ARHGEF3: variants seen among roughly 807,000 people sequenced by gnomAD.
ARHGEF3 encodes the protein Rho guanine nucleotide exchange factor 3, also known as 59.8 kDA protein.
A neutral mutation model predicts 63.2 loss-of-function variants in ARHGEF3; 28 were observed. The ratio of observed to expected loss-of-function variants is 0.44; its 90% CI spans 0.33 to 0.61. ARHGEF3 has a LOEUF of 0.61. ARHGEF3 is among the 20% of genes least tolerant of loss of function. The pLI is 0.03. For missense variants in ARHGEF3, 533 were observed against 659.3 expected, an observed-to-expected ratio of 0.81 and a Z score of 2.10; for synonymous variants, 266 against 254.2, an observed-to-expected ratio of 1.05 and a Z score of -0.44.
At chr3:56,818,927 CT>C (rs1023635478) in intron 4 of ARHGEF3, among the ~76,000 whole-genome samples, 2 of 152,164 alleles carry the variant, frequency 1.3e-5, no homozygotes, top group African/African-American at 4.8e-5. Flanking sequence ...ACGAAAAAAA[CT>C]ATTTCATTCA....
chr3:56,778,869 A>T (rs995461066), intron 1 of ARHGEF3, among the ~76,000 whole-genome samples: 8 of 152,176 alleles, frequency 5.3e-5, no homozygotes, highest in African/African-American at 1.9e-4. Context: ...TTTTTCAATC[A>T]TTATAACATG....
At chr3:56,871,005 T>C (rs1035293520) in intron 4 of ARHGEF3, among the ~76,000 whole-genome samples, 1 of 152,078 alleles carries the variant, frequency 6.6e-6, no homozygotes, top group Non-Finnish European at 1.5e-5. Flanking sequence ...CATCACAAAC[T>C]AATTTTTACA....
intron 1 of ARHGEF3, among the ~76,000 whole-genome samples, chr3:57,049,705 G>A (rs1704595213): frequency 6.6e-6 from 1 of 152,222 alleles, no homozygotes; most frequent in South Asian, 2.1e-4. Flanking sequence ...CTGACAAGAG[G>A]AGAAATCAGA....
At chr3:57,002,822 G>A (rs1446397463) in intron 2 of ARHGEF3, among the ~76,000 whole-genome samples, 5 of 145,262 alleles carry the variant, frequency 3.4e-5, no homozygotes, top group Non-Finnish European at 7.5e-5. Context: ...TCACCAGGCT[G>A]GAGTGCAGTG....
chr3:56,739,978 C>T (rs1448675976), intron 7 of ARHGEF3, among the ~76,000 whole-genome samples: 2 of 151,592 alleles, frequency 1.3e-5, no homozygotes, highest in African/African-American at 4.9e-5. Context: ...TGGCTCACTG[C>T]AACCTCCGCC....
intron 1 of ARHGEF3, among the ~76,000 whole-genome samples, chr3:56,792,454 T>C (rs1197667627): frequency 6.6e-6 from 1 of 152,220 alleles, no homozygotes; most frequent in South Asian, 2.1e-4. Context: ...ACAGAGAGGT[T>C]GTTGGCTTTT....
At chr3:57,040,991 C>T (rs1704165510) in intron 1 of ARHGEF3, among the ~76,000 whole-genome samples, 1 of 152,164 alleles carries the variant, frequency 6.6e-6, no homozygotes, top group African/African-American at 2.4e-5. Context: ...ACTCCCCACT[C>T]CCCACCAACT....
chr3:56,883,977 A>C (rs2040846306), intron 3 of ARHGEF3, among the ~76,000 whole-genome samples: 1 of 152,128 alleles, frequency 6.6e-6, no homozygotes, highest in South Asian at 2.1e-4. Flanking sequence ...TTTGTTGAGC[A>C]TTTACTATGT....
At chr3:56,993,358 TG>T (rs1403124766) in intron 2 of ARHGEF3, among the ~76,000 whole-genome samples, 2 of 151,920 alleles carry the variant, frequency 1.3e-5, no homozygotes, top group Admixed American at 1.3e-4. Context: ...TATAACTTTG[TG>T]GGGGTTTTTT....
At chr3:56,828,388 G>C in intron 4 of ARHGEF3, among the ~76,000 whole-genome samples, 1 of 152,068 alleles carries the variant, frequency 6.6e-6, no homozygotes, top group East Asian at 1.9e-4. Context: ...ACAAAAATTA[G>C]CCAGGCGCAG....
At chr3:56,877,503 C>T (rs2040625877) in intron 4 of ARHGEF3, among the ~76,000 whole-genome samples, 1 of 151,540 alleles carries the variant, frequency 6.6e-6, no homozygotes, top group South Asian at 2.1e-4. Context: ...TCCCAAGTAG[C>T]GGCGACTACA....
intron 2 of ARHGEF3, among the ~76,000 whole-genome samples, chr3:57,014,306 A>G (rs560960460): frequency 2.0e-5 from 3 of 152,320 alleles, no homozygotes; most frequent in East Asian, 3.9e-4. Flanking sequence ...TCTTGAAGTC[A>G]GTGAGATCAA....
chr3:56,848,598 T>C (rs563064127), intron 4 of ARHGEF3, among the ~76,000 whole-genome samples: 33 of 152,330 alleles, frequency 2.2e-4, no homozygotes, highest in African/African-American at 7.2e-4. Flanking sequence ...GGGGTAGGGC[T>C]GCAGAGAACA....
Position 57,038,217 on chromosome 3 carries a change from G to C in ARHGEF3, c.-27-3041C>G, listed in dbSNP as rs188335095. Reference sequence around the variant, plus strand: ...TGGCATGACATGCACAGGAAAGCTCGGTGGTGGCTGAATGAATGAACAAAT... The same window carrying C: ...TGGCATGACATGCACAGGAAAGCTCCGTGGTGGCTGAATGAATGAACAAAT... On this transcript the variant is annotated intron_variant, in intron 1 of 12. Coordinates refer to the ARHGEF3 transcript ENST00000338458. Among the ~76,000 whole-genome samples, 16 of 152,304 alleles carry C rather than the reference G, an allele frequency of 1.1e-4. No individual in the cohort carries two copies. The East Asian group carries it at 2.5e-3, about 24-fold the overall frequency.
At chr3:56,837,939 A>C (rs1374429032) in intron 4 of ARHGEF3, among the ~76,000 whole-genome samples, 1 of 152,244 alleles carries the variant, frequency 6.6e-6, no homozygotes, top group Non-Finnish European at 1.5e-5. Flanking sequence ...GGAAGTAGCC[A>C]TGAAGAACCA....
At chr3:56,830,437 C>G (rs529917231) in intron 4 of ARHGEF3, among the ~76,000 whole-genome samples, 1 of 151,210 alleles carries the variant, frequency 6.6e-6, no homozygotes, top group African/African-American at 2.4e-5. Flanking sequence ...CCAGCCTAAA[C>G]TGTCATCATC....
At chr3:57,042,663 TATATATATATATATATATATATATA>T (rs1560155811) in intron 1 of ARHGEF3, among the ~76,000 whole-genome samples, 78 of 5,428 alleles carry the variant, frequency 0.014, 1 homozygote, top group Middle Eastern at 0.062. Context: ...TATATATATA[TATATATATATATATATATATATATA>T]TATATATATA....
intron 1 of ARHGEF3, among the ~76,000 whole-genome samples, chr3:57,075,841 C>T (rs557425170): frequency 2.6e-5 from 4 of 152,152 alleles, no homozygotes; most frequent in Admixed American, 2.6e-4. Context: ...AAATGTGTAC[C>T]CATTTTCATA....
chr3:56,953,044 T>C (rs1699882222), intron 3 of ARHGEF3, among the ~76,000 whole-genome samples: 2 of 152,186 alleles, frequency 1.3e-5, no homozygotes, highest in Admixed American at 6.5e-5. Flanking sequence ...TTTCCCCATC[T>C]TTGGACTGGG....
Sources: allele counts gnomAD v4.1 joint callset (sites outside exome capture counted in the v4.1 genomes callset), GRCh38; gene constraint gnomAD v4.1.1; transcripts MANE v1.5; gene names NCBI Gene and HGNC (gene_info 2026-07-23, HGNC 2026-07-21).